The following HIVEP1 variants were observed in gnomAD, a reference collection of about 807,000 sequenced individuals.
HIVEP1 encodes zinc finger protein 40.
Under a neutral mutation model 180.0 loss-of-function variants are expected in HIVEP1, and 36 were observed. The ratio of observed to expected loss-of-function variants is 0.20; its 90% CI spans 0.15 to 0.26. HIVEP1 has a LOEUF of 0.26. Ranked by LOEUF, HIVEP1 falls within the 10% of genes least tolerant of loss-of-function variation. The pLI, the probability that HIVEP1 is intolerant of heterozygous loss-of-function variation, is 1.00. For missense variants in HIVEP1, 3,143 were observed against 3,268.7 expected, an observed-to-expected ratio of 0.96 and a Z score of 0.94; for synonymous variants, 1,239 against 1,239.0, an observed-to-expected ratio of 1.00 and a Z score of 0.00.
Position 12,054,894 on chromosome 6 carries a change from G to A in HIVEP1, c.41-34290G>A, listed in dbSNP as rs183246754. On this transcript the variant is annotated intron_variant, in intron 2 of 8. Transcript: ENST00000379388. ...CTTCTAAGGAAAAAATTATCTACAT[G>A]TTAAATACCCATTTTAGAAAGTTAC... 2.0e-5 allele frequency among the ~76,000 whole-genome samples: 3 copies of A among 152,272 alleles called. No individual in the cohort carries two copies. In the East Asian group the frequency reaches 5.8e-4, roughly 29 times the overall value.
At chr6:12,171,344 G>A in the HIVEP1 span, among the ~76,000 whole-genome samples, 7,346 of 152,120 alleles carry the variant, frequency 0.048, 253 homozygotes, top group Non-Finnish European at 0.072. Flanking sequence ...GAGCCACTAC[G>A]CCCAGCCAGA....
intron 3 of HIVEP1, among the ~76,000 whole-genome samples, chr6:12,114,267 C>T (rs1775087263): frequency 6.6e-6 from 1 of 152,302 alleles, no homozygotes; most frequent in East Asian, 1.9e-4. Flanking sequence ...TGATGTCTTC[C>T]TAGTCCCAGT....
upstream of HIVEP1, chr6:12,008,280 C>G (rs1442416556): frequency 6.6e-6 from 1 of 152,146 alleles, no homozygotes; most frequent in African/African-American, 2.4e-5. Flanking sequence ...CTTTTCAAGG[C>G]TGCAGGACTG....
intron 2 of HIVEP1, among the ~76,000 whole-genome samples, chr6:12,074,090 A>C (rs1772168096): frequency 6.6e-6 from 1 of 152,226 alleles, no homozygotes. Context: ...TGTTATAGGT[A>C]CTTATGCATG....
intron 2 of HIVEP1, among the ~76,000 whole-genome samples, chr6:12,027,587 C>T (rs1768667647): frequency 6.6e-6 from 1 of 152,186 alleles, no homozygotes; most frequent in African/African-American, 2.4e-5. Context: ...AAAACTACTG[C>T]AGGCAATCCA....
At chr6:12,018,334 A>G (rs949569844) in intron 2 of HIVEP1, among the ~76,000 whole-genome samples, 13 of 152,202 alleles carry the variant, frequency 8.5e-5, no homozygotes, top group Admixed American at 7.8e-4. Flanking sequence ...AGGGGATCCC[A>G]CAGTGCAGCG....
the HIVEP1 span, among the ~76,000 whole-genome samples, chr6:12,172,696 C>A: frequency 2.6e-5 from 4 of 151,860 alleles, no homozygotes; most frequent in Non-Finnish European, 5.9e-5. Flanking sequence ...ACAGATATTG[C>A]ATTATATGAA....
At chr6:12,088,236 A>G (rs1423873239) in intron 2 of HIVEP1, among the ~76,000 whole-genome samples, 1 of 152,044 alleles carries the variant, frequency 6.6e-6, no homozygotes, top group Non-Finnish European at 1.5e-5. Flanking sequence ...AGCATTGGAG[A>G]CAACTTCTGA....
intron 2 of HIVEP1, 47 bp from the exon 3 acceptor site, chr6:12,089,133 CTTAT>C (rs1425057266): frequency 2.0e-6 from 2 of 1,021,440 alleles, no homozygotes; most frequent in South Asian, 1.4e-5. Context: ...TTACTGTACT[CTTAT>C]TTGTTTAAGG....
At chr6:12,155,111 T>G (rs1261553700) in intron 7 of HIVEP1, among the ~76,000 whole-genome samples, 1 of 152,238 alleles carries the variant, frequency 6.6e-6, no homozygotes, top group African/African-American at 2.4e-5. Flanking sequence ...AAGTTTTGAA[T>G]ACGATAAATT....
intron 3 of HIVEP1, among the ~76,000 whole-genome samples, chr6:12,113,248 G>A (rs565176731): frequency 1.3e-5 from 2 of 151,006 alleles, no homozygotes; most frequent in Non-Finnish European, 2.9e-5. Flanking sequence ...GCAGGACAGG[G>A]ACACCGACCT....
At chr6:12,083,753 G>A (rs982487318) in intron 2 of HIVEP1, among the ~76,000 whole-genome samples, 13 of 152,122 alleles carry the variant, frequency 8.5e-5, no homozygotes, top group Non-Finnish European at 1.5e-4. Context: ...AGATAGATAC[G>A]ATTTAATCAA....
At chr6:12,015,318 G>A (rs913006033) in intron 1 of HIVEP1, among the ~76,000 whole-genome samples, 3 of 152,090 alleles carry the variant, frequency 2.0e-5, no homozygotes, top group Non-Finnish European at 2.9e-5. Flanking sequence ...ATAAAGATAC[G>A]GTGTTTTTTT....
At chr6:12,041,703 G>A (rs1156378658) in intron 2 of HIVEP1, among the ~76,000 whole-genome samples, 3 of 151,866 alleles carry the variant, frequency 2.0e-5, no homozygotes, top group South Asian at 2.1e-4. Flanking sequence ...TCGCTCTCTC[G>A]CCCAGGCTGG....
At chr6:12,054,297 C>G (rs186504134) in intron 2 of HIVEP1, among the ~76,000 whole-genome samples, 2 of 152,282 alleles carry the variant, frequency 1.3e-5, no homozygotes, top group Middle Eastern at 3.4e-3. Context: ...AGAAAACATA[C>G]ACTATATGTT....
intron 2 of HIVEP1, among the ~76,000 whole-genome samples, chr6:12,055,511 G>GT: frequency 6.6e-6 from 1 of 151,668 alleles, no homozygotes; most frequent in East Asian, 1.9e-4. Context: ...ATCTTTTTTT[G>GT]TTTCTATTTA....
intron 2 of HIVEP1, among the ~76,000 whole-genome samples, chr6:12,075,751 G>A (rs1166597052): frequency 6.6e-6 from 1 of 151,746 alleles, no homozygotes; most frequent in Non-Finnish European, 1.5e-5. Flanking sequence ...CTCCCACATT[G>A]CTTTAAAGCT....
intron 3 of HIVEP1, among the ~76,000 whole-genome samples, chr6:12,093,761 G>A (rs1193601305): frequency 1.3e-5 from 2 of 151,938 alleles, no homozygotes; most frequent in African/African-American, 2.4e-5. Context: ...TAATATCACA[G>A]TATGTTAATT....
rs70981658 is a variant in HIVEP1, at chr6:12,020,890, C to CTTTTTT, written c.40+5235_40+5240dup. ...GAGAACCAGATTTCTTTCTTTCTTT[C>CTTTTTT]TTTTTTTTTTTTTTTTTTGAGACGG... is the stretch of plus-strand genomic sequence containing the variant. On this transcript the variant is annotated intron_variant, in intron 2 of 8. Transcript: ENST00000379388. Among the ~76,000 whole-genome samples, 278 of 105,742 alleles carry CTTTTTT rather than the reference C, an allele frequency of 2.6e-3. 6 individuals are homozygous for CTTTTTT. Among genetic ancestry groups the CTTTTTT allele is most frequent in the Non-Finnish European group, 3.7e-3 (203 of 54,994 alleles). 69.4% of individuals were successfully genotyped at this position (105,742 alleles called of 152,430 possible).
Sources: allele counts gnomAD v4.1 joint callset (sites outside exome capture counted in the v4.1 genomes callset), GRCh38; gene constraint gnomAD v4.1.1; transcripts MANE v1.5; gene names NCBI Gene and HGNC (gene_info 2026-07-23, HGNC 2026-07-21).